The following DCDC1 variants were observed in gnomAD, a reference collection of about 807,000 sequenced individuals.
The protein encoded by DCDC1 is doublecortin domain-containing protein 1.
Under a neutral mutation model 178.3 loss-of-function variants are expected in DCDC1, and 200 were observed. The observed-to-expected ratio is 1.12, with a 90% CI of 1.00 to 1.26. DCDC1 has a LOEUF of 1.26. Ranked by LOEUF, DCDC1 falls within the 50% of genes most tolerant of loss-of-function variation. DCDC1 has a pLI of 0.00. For missense variants in DCDC1, 1,983 were observed against 1,749.2 expected (o/e 1.13, Z -2.38); for synonymous variants, 690 against 604.8 (o/e 1.14, Z -2.07).
At chr11:31,160,409 T>C (rs140195127) in intron 9 of DCDC1, among the ~76,000 whole-genome samples, 36 of 152,322 alleles carry the variant, frequency 2.4e-4, no homozygotes, top group African/African-American at 7.7e-4. Flanking sequence ...GCTATATAAA[T>C]GTTACATGCT....
chr11:30,925,252 T>A, intron 23 of DCDC1, 57 bp downstream of exon 23: 1 of 1,441,144 alleles, frequency 6.9e-7, no homozygotes, highest in East Asian at 2.3e-5. Flanking sequence ...AAGGGGATTC[T>A]TTCTTGGATG....
chr11:30,906,777 G>C (rs544182310), intron 29 of DCDC1, 52 bp from the exon 30 acceptor site: 1 of 1,503,018 alleles, frequency 6.7e-7, no homozygotes, highest in East Asian at 2.3e-5. Context: ...AATTGTTATA[G>C]CATTGCTGTA....
chr11:31,362,830 C>G (rs1020637784), intron 1 of DCDC1, among the ~76,000 whole-genome samples: 1 of 152,076 alleles, frequency 6.6e-6, no homozygotes, highest in African/African-American at 2.4e-5. Flanking sequence ...GGCATTTAAT[C>G]CATCATTGCA....
At position 31,305,696 on chromosome 11, in the gene DCDC1, C is replaced by T. The variant is rs192206218; in HGVS notation, c.673G>A (p.Glu225Lys). Reference protein sequence around the residue: ...VFLADGKEALEPEDIPHEADV... With the variant: ...VFLADGKEALKPEDIPHEADV... The stretch of plus-strand genomic sequence containing the variant: ...GCTTCATGGGGTATATCTTCAGGTT[C>T]GAGGGCTTCCTTGCCGTCTGCCAAG... The change falls in exon 6 of 39, where the codon GAA (glutamate) becomes AAA (lysine). Residue 225 changes from glutamate to lysine, a missense_variant. Coordinates refer to ENST00000684477, the MANE Select transcript of DCDC1 (RefSeq NM_001387274.1). 63 of 1,613,768 alleles carry T rather than the reference C, an allele frequency of 3.9e-5. No homozygotes were observed. The East Asian group carries it at 8.0e-4, about 21-fold the overall frequency.
chr11:31,022,898 T>C (rs566292224), intron 20 of DCDC1, among the ~76,000 whole-genome samples: 1 of 152,096 alleles, frequency 6.6e-6, no homozygotes, highest in Non-Finnish European at 1.5e-5. Flanking sequence ...AAGGATTGGA[T>C]GAATGGTGTC....
At chr11:30,909,208 A>C (rs1259267119) in intron 28 of DCDC1, 92 bp from the exon 29 acceptor site, 22 of 1,093,964 alleles carry the variant, frequency 2.0e-5, no homozygotes, top group African/African-American at 3.2e-5. Context: ...AAGTGCAGAT[A>C]ATTACTCATA....
At chr11:31,298,004 C>A (rs2616798) in intron 6 of DCDC1, among the ~76,000 whole-genome samples, 14,106 of 152,144 alleles carry the variant, frequency 0.093, 1,800 homozygotes, top group African/African-American at 0.28. Context: ...TCAGGACCTC[C>A]TGAGGCTGTC....
chr11:30,973,013 C>T (rs554635469), intron 20 of DCDC1, among the ~76,000 whole-genome samples: 16 of 151,674 alleles, frequency 1.1e-4, no homozygotes, highest in Admixed American at 2.0e-4. Flanking sequence ...GGCTTATGAC[C>T]GTAATCCCAG....
At chr11:31,083,537 A>T (rs1025000027) in intron 17 of DCDC1, among the ~76,000 whole-genome samples, 6 of 152,210 alleles carry the variant, frequency 3.9e-5, no homozygotes, top group Non-Finnish European at 8.8e-5. Flanking sequence ...TGTATGTTCC[A>T]TCTAAAGGGG....
chr11:31,216,022 T>A (rs1973513573), intron 9 of DCDC1, among the ~76,000 whole-genome samples: 1 of 152,132 alleles, frequency 6.6e-6, no homozygotes, highest in Admixed American at 6.5e-5. Context: ...CCTGCCCTCT[T>A]CCCTTTAGAG....
In DCDC1 at chr11:31,018,266, G is replaced by C. The variant is rs575882505; in HGVS notation, c.2591+46203C>G. On this transcript the variant is annotated intron_variant, in intron 20 of 38. Coordinates refer to ENST00000684477, the MANE Select transcript of DCDC1 (RefSeq NM_001387274.1). ...ACAAATTAATCAGAGGGTATTGAAA[G>C]AAATTTCTAATAAAAGAAGCTCAAA... Among the ~76,000 whole-genome samples, 6 of 152,284 alleles carry C rather than the reference G, an allele frequency of 3.9e-5. No individual in the cohort carries two copies. The South Asian group carries it at 1.2e-3, about 32-fold the overall frequency.
chr11:31,322,410 T>A (rs1272108646), intron 3 of DCDC1, among the ~76,000 whole-genome samples: 1 of 152,224 alleles, frequency 6.6e-6, no homozygotes, highest in East Asian at 1.9e-4. Context: ...CTTCCTTATA[T>A]GTCCATGGAA....
chr11:31,055,706 C>A (rs1174767051), intron 20 of DCDC1, among the ~76,000 whole-genome samples: 2 of 152,124 alleles, frequency 1.3e-5, no homozygotes, highest in African/African-American at 4.8e-5. Context: ...TTTGCAGTGA[C>A]CTGGGTGAGA....
intron 9 of DCDC1, among the ~76,000 whole-genome samples, chr11:31,149,494 G>GCCAGCAGCAGCAACCCGC (rs1390987093): frequency 1.3e-5 from 2 of 151,258 alleles, no homozygotes; most frequent in African/African-American, 2.4e-5. Flanking sequence ...GGCCACCCCA[G>GCCAGCAGCAGCAACCCGC]CCAGCAGCAG....
At chr11:31,074,460 T>G (rs535652156) in intron 18 of DCDC1, among the ~76,000 whole-genome samples, 2 of 152,282 alleles carry the variant, frequency 1.3e-5, no homozygotes, top group East Asian at 3.9e-4. Flanking sequence ...ATTAGGGCCT[T>G]TATAGAAAGG....
chr11:31,053,858 C>T (rs7943675), intron 20 of DCDC1, among the ~76,000 whole-genome samples: 2,293 of 152,184 alleles, frequency 0.015, 52 homozygotes, highest in African/African-American at 0.051. Context: ...AACCCACAGC[C>T]GACATAATAC....
intron 1 of DCDC1, among the ~76,000 whole-genome samples, chr11:31,355,547 T>C (rs1166435526): frequency 6.6e-6 from 1 of 152,136 alleles, no homozygotes; most frequent in Non-Finnish European, 1.5e-5. Flanking sequence ...ACTGAATTAG[T>C]GTTTGATCTT....
At chr11:31,194,059 A>C (rs142721773) in intron 9 of DCDC1, among the ~76,000 whole-genome samples, 2 of 152,180 alleles carry the variant, frequency 1.3e-5, no homozygotes, top group African/African-American at 4.8e-5. Context: ...AATGAAAATA[A>C]TGAGGAAATA....
chr11:31,269,518 T>C (rs951731622), intron 7 of DCDC1, among the ~76,000 whole-genome samples: 4 of 151,784 alleles, frequency 2.6e-5, no homozygotes, highest in African/African-American at 2.4e-5. Flanking sequence ...TCCAAGCAGG[T>C]GAGACAACAG....
Sources: allele counts gnomAD v4.1 joint callset (sites outside exome capture counted in the v4.1 genomes callset), GRCh38; gene constraint gnomAD v4.1.1; transcripts MANE v1.5; gene names NCBI Gene and HGNC (gene_info 2026-07-23, HGNC 2026-07-21).